The following KCNH8 variants were observed in gnomAD, a reference collection of about 807,000 sequenced individuals.
The protein encoded by KCNH8 is voltage-gated delayed rectifier potassium channel KCNH8.
In KCNH8, 70 loss-of-function variants were observed where a neutral mutation model predicts 103.6. The ratio of observed to expected loss-of-function variants is 0.68; its 90% CI spans 0.56 to 0.82. The LOEUF is 0.82. KCNH8 is among the 40% of genes least tolerant of loss of function. The probability of loss-of-function intolerance (pLI) is 0.00; values close to 1 mark genes in which losing one functional copy is unlikely to be tolerated. For synonymous variants in KCNH8, 498 were observed against 489.4 expected (o/e 1.02, Z -0.23); for missense variants, 1,217 against 1,329.9 (o/e 0.92, Z 1.32).
chr3:19,211,385 G>A (rs2125225266), intron 1 of KCNH8, among the ~76,000 whole-genome samples: 1 of 152,218 alleles, frequency 6.6e-6, no homozygotes, highest in Middle Eastern at 3.4e-3. Context: ...GGAAGAGGTG[G>A]GGCTGGAGGA....
chr3:19,240,641 G>A (rs927129493), intron 1 of KCNH8, among the ~76,000 whole-genome samples: 11 of 150,696 alleles, frequency 7.3e-5, no homozygotes, highest in Middle Eastern at 3.6e-3. Flanking sequence ...AAAAAACTTC[G>A]GAATCTATTC....
At chr3:19,150,009 A>G (rs1179706541) in intron 1 of KCNH8, among the ~76,000 whole-genome samples, 3 of 152,164 alleles carry the variant, frequency 2.0e-5, no homozygotes, top group Admixed American at 6.5e-5. Context: ...AATCACTTTA[A>G]TTTTGTTCAG....
chr3:19,420,496 T>C (rs2066934779), intron 7 of KCNH8, among the ~76,000 whole-genome samples: 1 of 152,190 alleles, frequency 6.6e-6, no homozygotes, highest in South Asian at 2.1e-4. Flanking sequence ...CATAAAATCA[T>C]GTTTTAGTGC....
At position 19,240,619 on chromosome 3, in the gene KCNH8, A is replaced by C. The variant is rs546387405; in HGVS notation, c.77-13035A>C. Among the ~76,000 whole-genome samples, 158 of 151,976 alleles carry C rather than the reference A, an allele frequency of 1.0e-3. 1 individual carries two copies. Among genetic ancestry groups the C allele is most frequent in the African/African-American group, 3.1e-3 (129 of 41,480 alleles). On this transcript the variant is annotated intron_variant, in intron 1 of 15. Coordinates refer to ENST00000328405, the MANE Select transcript of KCNH8 (RefSeq NM_144633.3). ...AAGAGCGAAACTCTGTCTAAAAAAAAAAAAAAAACAAAAAAAACTTCGGAA... is the reference window on the plus strand; with the variant it reads ...AAGAGCGAAACTCTGTCTAAAAAAACAAAAAAAACAAAAAAAACTTCGGAA...
At chr3:19,343,319 G>A (rs1193757302) in intron 4 of KCNH8, among the ~76,000 whole-genome samples, 1 of 152,038 alleles carries the variant, frequency 6.6e-6, no homozygotes, top group Non-Finnish European at 1.5e-5. Flanking sequence ...TGTCTTACCT[G>A]TCAAAGCCAC....
chr3:19,230,461 A>C (rs1194695869), intron 1 of KCNH8, among the ~76,000 whole-genome samples: 2 of 152,190 alleles, frequency 1.3e-5, no homozygotes, highest in African/African-American at 4.8e-5. Flanking sequence ...CTTACTCAGA[A>C]CCAGATAGCA....
At chr3:19,290,687 G>A (rs919032613) in intron 3 of KCNH8, among the ~76,000 whole-genome samples, 2 of 152,166 alleles carry the variant, frequency 1.3e-5, no homozygotes, top group Non-Finnish European at 1.5e-5. Flanking sequence ...GTGTTAATCA[G>A]GGATATTGGT....
chr3:19,184,729 T>C (rs1351792744), intron 1 of KCNH8, among the ~76,000 whole-genome samples: 1 of 151,910 alleles, frequency 6.6e-6, no homozygotes, highest in Non-Finnish European at 1.5e-5. Context: ...TTTGAGGATA[T>C]GTATGGAGAC....
At chr3:19,175,412 A>G (rs368505149) in intron 1 of KCNH8, among the ~76,000 whole-genome samples, 48 of 152,018 alleles carry the variant, frequency 3.2e-4, no homozygotes, top group East Asian at 1.9e-3. Context: ...TAGTAGAGAC[A>G]GGGTTTCACC....
intron 3 of KCNH8, among the ~76,000 whole-genome samples, chr3:19,324,871 A>G (rs937466519): frequency 6.6e-6 from 1 of 152,202 alleles, no homozygotes; most frequent in Non-Finnish European, 1.5e-5. Context: ...AAAGGGCCCA[A>G]ACAGCCAAGG....
At chr3:19,485,425 C>T (rs895360663) in intron 11 of KCNH8, among the ~76,000 whole-genome samples, 3 of 152,204 alleles carry the variant, frequency 2.0e-5, no homozygotes, top group Admixed American at 6.5e-5. Flanking sequence ...TGGCAAGTAA[C>T]GCACTGTTGT....
intron 1 of KCNH8, among the ~76,000 whole-genome samples, chr3:19,196,917 G>A (rs539352080): frequency 6.6e-6 from 1 of 152,054 alleles, no homozygotes; most frequent in Admixed American, 6.6e-5. Context: ...TGTAAACATA[G>A]CTAATAAATA....
At chr3:19,170,759 T>TAC (rs1168685477) in intron 1 of KCNH8, among the ~76,000 whole-genome samples, 8 of 119,550 alleles carry the variant, frequency 6.7e-5, no homozygotes, top group African/African-American at 1.6e-4. Flanking sequence ...CACATATATA[T>TAC]ACACACATAT....
At chr3:19,213,538 T>A (rs2063790370) in intron 1 of KCNH8, among the ~76,000 whole-genome samples, 1 of 152,146 alleles carries the variant, frequency 6.6e-6, no homozygotes, top group South Asian at 2.1e-4. Context: ...GCTTCCCCAA[T>A]CCCCCAGTTT....
chr3:19,486,846 T>C (rs2068221584), intron 11 of KCNH8, among the ~76,000 whole-genome samples: 1 of 152,214 alleles, frequency 6.6e-6, no homozygotes, highest in South Asian at 2.1e-4. Context: ...TCCAGTAGGC[T>C]GCAGATGACC....
At chr3:19,187,531 G>C (rs1034866432) in intron 1 of KCNH8, among the ~76,000 whole-genome samples, 3 of 151,878 alleles carry the variant, frequency 2.0e-5, no homozygotes, top group Non-Finnish European at 4.4e-5. Flanking sequence ...AGACTAACAC[G>C]ACCTGATGGA....
chr3:19,305,439 A>G lies in KCNH8; in HGVS notation c.442+24110A>G, dbSNP rs189288602. On this transcript the variant is annotated intron_variant, in intron 3 of 15. Coordinates refer to ENST00000328405, the MANE Select transcript of KCNH8 (RefSeq NM_144633.3). ...TGAAGACAGAATTCAAGACAGTACT[A>G]TATGGTACTGCTGGAATGATGACCA... Among the ~76,000 whole-genome samples the G allele has an allele frequency of 1.7e-4, 26 of 152,274 alleles. No individual in the cohort carries two copies. In the East Asian group the frequency reaches 3.9e-3, roughly 23 times the overall value.
At chr3:19,206,176 A>G (rs2063713112) in intron 1 of KCNH8, among the ~76,000 whole-genome samples, 1 of 134,756 alleles carries the variant, frequency 7.4e-6, no homozygotes, top group South Asian at 2.1e-4. Flanking sequence ...GTGTATATAT[A>G]TATATATATC....
chr3:19,268,497 T>C (rs1490145649), intron 2 of KCNH8, among the ~76,000 whole-genome samples: 1 of 152,078 alleles, frequency 6.6e-6, no homozygotes, highest in Non-Finnish European at 1.5e-5. Flanking sequence ...TAAACCAAGT[T>C]AGATCACTTG....
Sources: gnomAD v4.1 joint callset for allele counts (sites outside exome capture counted in the v4.1 genomes callset) on GRCh38, gnomAD v4.1.1 for gene constraint, MANE v1.5 for transcripts, NCBI Gene and HGNC (gene_info 2026-07-23, HGNC 2026-07-21) for gene names.